DSC1: variants seen among roughly 807,000 people sequenced by gnomAD.
DSC1 encodes the protein desmocollin 1, also known as desmocollin-1.
DSC1 carries 79 observed loss-of-function variants against 98.8 expected under a neutral mutation model. That is an observed-to-expected ratio of 0.80 (90% CI 0.67 to 0.96). The LOEUF (loss-of-function observed/expected upper bound fraction) is 0.96, where lower values mean the gene tolerates loss of function less well. Ranked by LOEUF, DSC1 falls within the 50% of genes least tolerant of loss-of-function variation. DSC1 has a pLI of 0.00. For synonymous variants in DSC1, 405 were observed against 372.1 expected, an observed-to-expected ratio of 1.09 and a Z score of -1.02; for missense variants, 1,115 against 1,075.9, an observed-to-expected ratio of 1.04 and a Z score of -0.51.
At chr18:31,160,041 G>C (rs74569021) in intron 1 of DSC1, among the ~76,000 whole-genome samples, 2,471 of 152,182 alleles carry the variant, frequency 0.016, 73 homozygotes, top group African/African-American at 0.056. Context: ...AATCAATTTT[G>C]TGACTGACTT....
In DSC1 at chr18:31,162,676, C is replaced by T; in HGVS notation, c.-82G>A. On this transcript the variant is annotated 5_prime_UTR_variant, in exon 1 of 16. Transcript: ENST00000257198. ...CACAGAGCGGCTAAGAAGACGCTGG[C>T]ACTTGCACAGGGTATTCTGCTGCCA... The T allele has an allele frequency of 8.1e-7, 1 of 1,241,436 alleles. No individual in the cohort carries two copies. Among genetic ancestry groups the T allele is most frequent in the Non-Finnish European group, 1.2e-6 (1 of 845,930 alleles). The allele number at this position is 1,241,436 out of a possible 1,614,324, so 76.9% of individuals were successfully genotyped here. A position where few individuals can be genotyped will look rare whatever the true frequency, so the allele number is the denominator to read the frequency against.
At chr18:31,162,459 T>G in intron 1 of DSC1, 73 bp downstream of exon 1, 1 of 1,480,880 alleles carries the variant, frequency 6.8e-7, no homozygotes, top group Non-Finnish European at 9.4e-7. Context: ...CCTAGTCTCT[T>G]TCAAGCCCAA....
intron 5 of DSC1, among the ~76,000 whole-genome samples, chr18:31,152,863 C>G (rs536871993): frequency 2.2e-4 from 31 of 142,418 alleles, no homozygotes; most frequent in African/African-American, 7.7e-4. Context: ...TCTATTCTAT[C>G]CTGCTTCAAG....
intron 6 of DSC1, among the ~76,000 whole-genome samples, chr18:31,146,707 G>A: frequency 6.6e-6 from 1 of 152,170 alleles, no homozygotes; most frequent in Non-Finnish European, 1.5e-5. Context: ...CTCACCAATG[G>A]CATATAAGTG....
At chr18:31,149,256 G>T (rs2144945215) in intron 5 of DSC1, among the ~76,000 whole-genome samples, 2 of 152,280 alleles carry the variant, frequency 1.3e-5, no homozygotes, top group South Asian at 4.1e-4. Context: ...TTTGTGCATA[G>T]TAAGTGTTCA....
At chr18:31,160,785 T>A (rs549134673) in intron 1 of DSC1, among the ~76,000 whole-genome samples, 1 of 152,316 alleles carries the variant, frequency 6.6e-6, no homozygotes, top group African/African-American at 2.4e-5. Context: ...GGAAACAGCA[T>A]ATTGTAATTA....
chr18:31,141,077 C>G (rs1238799428), intron 9 of DSC1, among the ~76,000 whole-genome samples: 3 of 152,118 alleles, frequency 2.0e-5, no homozygotes, highest in Non-Finnish European at 2.9e-5. Flanking sequence ...GCCTCCCTAG[C>G]CATGTGAAAC....
At chr18:31,138,763 A>AC (rs1555644377) in intron 11 of DSC1, among the ~76,000 whole-genome samples, 9 of 151,306 alleles carry the variant, frequency 5.9e-5, no homozygotes, top group Non-Finnish European at 1.0e-4. Flanking sequence ...GGAAAAAAAA[A>AC]CCCATAGCAT....
At chr18:31,138,037 T>A (rs1988649334) in intron 11 of DSC1, among the ~76,000 whole-genome samples, 1 of 149,326 alleles carries the variant, frequency 6.7e-6, no homozygotes, top group African/African-American at 2.4e-5. Context: ...ACAAAATCCA[T>A]CATATCACTA....
chr18:31,148,645 G>A lies in DSC1; in HGVS notation c.628-3C>T. 1 of 1,561,008 alleles carries A rather than the reference G, an allele frequency of 6.4e-7. No homozygotes were observed. The highest frequency in any genetic ancestry group is 8.7e-7 in the Non-Finnish European group (1 of 1,144,004). On this transcript the variant is annotated splice_region_variant and splice_polypyrimidine_tract_variant and intron_variant, in intron 5 of 15. Transcript: ENST00000257198. ...GCAGTTGTTGCATAGCCATATAACT[G>A]AAAGAAGGGAAAATACCATCAATGT...
At chr18:31,161,469 G>T (rs1487419693) in intron 1 of DSC1, among the ~76,000 whole-genome samples, 1 of 151,934 alleles carries the variant, frequency 6.6e-6, no homozygotes, top group Non-Finnish European at 1.5e-5. Context: ...ATTCCATGTT[G>T]ATGGTCCTCC....
chr18:31,129,367 G>T lies in DSC1; in HGVS notation c.*1147C>A, dbSNP rs1026020023. ...TCCTGCCTCAGCCTCCTGAGTAGCT[G>T]GGATTACAGTCATTCGCCACCATGT... On this transcript the variant is annotated 3_prime_UTR_variant, in exon 16 of 16. Transcript: ENST00000257198. The T allele has an allele frequency of 4.6e-5, 7 of 151,728 alleles. No homozygotes were observed. The highest frequency in any genetic ancestry group is 1.5e-4 in the African/African-American group (6 of 41,238). The allele number at this position is 151,728 out of a possible 1,614,324, so 9.4% of individuals were successfully genotyped here. A position where few individuals can be genotyped will look rare whatever the true frequency, so the allele number is the denominator to read the frequency against.
At chr18:31,157,646 C>T (rs924072444) in intron 2 of DSC1, 73 bp from the exon 3 acceptor site, 10 of 1,540,764 alleles carry the variant, frequency 6.5e-6, no homozygotes, top group Non-Finnish European at 8.1e-6. Context: ...GAATGACAGC[C>T]GTGAGTTAAT....
At chr18:31,131,905 T>A in intron 14 of DSC1, 63 bp from the exon 15 acceptor site, 1 of 1,557,392 alleles carries the variant, frequency 6.4e-7, no homozygotes, top group Non-Finnish European at 8.7e-7. Flanking sequence ...TTCATTTTCA[T>A]TTTTTTTCAC....
chr18:31,139,715 A>G, intron 11 of DSC1, 33 bp downstream of exon 11: 1 of 1,532,606 alleles, frequency 6.5e-7, no homozygotes, highest in Non-Finnish European at 8.8e-7. Context: ...CATGTCATAT[A>G]TTTATATTTT....
At chr18:31,141,214 GAAAAA>G (rs1387301394) in intron 9 of DSC1, among the ~76,000 whole-genome samples, 1 of 150,948 alleles carries the variant, frequency 6.6e-6, no homozygotes, top group Non-Finnish European at 1.5e-5. Context: ...TTTAAATGGT[GAAAAA>G]AATATCAAGG....
chr18:31,156,255 G>T, intron 3 of DSC1, 93 bp from the exon 4 acceptor site: 2 of 1,448,274 alleles, frequency 1.4e-6, no homozygotes, highest in Non-Finnish European at 1.9e-6. Flanking sequence ...CAGATGTAAG[G>T]GTTACACATT....
At position 31,143,684 on chromosome 18, in the gene DSC1, G is replaced by A. The variant is rs768458026; in HGVS notation, c.1047C>T (p.Asp349=). 1 of 1,589,926 alleles carries A rather than the reference G, an allele frequency of 6.3e-7. No homozygotes were observed. Among genetic ancestry groups the A allele is most frequent in the South Asian group, 1.2e-5 (1 of 86,756 alleles). The part of the protein sequence containing the change: ...TITISLEDEN[D]NPPSFTETSY... ...AAGTTTCTGTGAAAGATGGTGGATT[G>A]TCATTTTCATCCTCAAGTGAAATAG... The change falls in exon 8 of 16, where the codon GAC becomes GAT. Residue 349 remains aspartate (D), a synonymous_variant. Transcript: ENST00000257198.
At chr18:31,150,247 TACCACCACCACCATC>T (rs1988945371) in intron 5 of DSC1, among the ~76,000 whole-genome samples, 1 of 56,610 alleles carries the variant, frequency 1.8e-5, no homozygotes. Flanking sequence ...TCACCACCAC[TACCACCACCACCATC>T]ATCATCACCA....
Sources: allele counts gnomAD v4.1 joint callset (sites outside exome capture counted in the v4.1 genomes callset), GRCh38; gene constraint gnomAD v4.1.1; transcripts MANE v1.5; gene names NCBI Gene and HGNC (gene_info 2026-07-23, HGNC 2026-07-21).